Variants in BZW1 observed in about 807,000 individuals in gnomAD.
BZW1 encodes the protein basic leucine zipper and W2 domains 1.
In BZW1, 3 loss-of-function variants were observed where a neutral mutation model predicts 54.1. That is an observed-to-expected ratio of 0.06 (90% CI 0.03 to 0.14). The LOEUF (loss-of-function observed/expected upper bound fraction) is 0.14. Among genes scored for constraint, BZW1 ranks in the 10% least tolerant of loss-of-function variants. BZW1 has a pLI of 1.00. For synonymous variants in BZW1, 152 were observed against 162.7 expected (o/e 0.93, Z 0.50); for missense variants, 206 against 491.7 (o/e 0.42, Z 5.50).
chr2:200,814,798 A>T (rs1426139003), intron 2 of BZW1, among the ~76,000 whole-genome samples: 2 of 152,218 alleles, frequency 1.3e-5, no homozygotes, highest in African/African-American at 4.8e-5. Context: ...TCTGACTCTC[A>T]GTTTTCCTTC....
At chr2:200,812,190 G>T (rs1162079599) in intron 1 of BZW1, 200 bp downstream of exon 1, 2 of 1,210,726 alleles carry the variant, frequency 1.7e-6, no homozygotes, top group South Asian at 4.2e-5. Context: ...CGGCCCGGGT[G>T]GGGAGGTGGG....
In BZW1 at chr2:200,824,735, G is replaced by A. The variant is rs1226387321; in HGVS notation, c.*2557G>A. The A allele has an allele frequency of 6.8e-5, 10 of 147,986 alleles. No homozygotes were observed. The highest frequency in any genetic ancestry group is 1.3e-4 in the Non-Finnish European group (9 of 67,346). 9.2% of individuals were successfully genotyped at this position (147,986 alleles called of 1,614,324 possible). ...TCACCAGGCTGGAGTGCAGTGGCGCGATCTTGGCTCACTGCAAGTTCCGCC... is the reference window on the plus strand; with the variant it reads ...TCACCAGGCTGGAGTGCAGTGGCGCAATCTTGGCTCACTGCAAGTTCCGCC... On this transcript the variant is annotated 3_prime_UTR_variant, in exon 12 of 12. Transcript: ENST00000409600.
chr2:200,813,175 A>G, intron 1 of BZW1, 33 bp from the exon 2 acceptor site: 1 of 1,560,638 alleles, frequency 6.4e-7, no homozygotes, highest in Non-Finnish European at 8.8e-7. Context: ...GTATTATGGC[A>G]CTGATATTAA....
At chr2:200,813,050 G>A (rs2038148732) in intron 1 of BZW1, 158 bp from the exon 2 acceptor site, 3 of 697,298 alleles carry the variant, frequency 4.3e-6, no homozygotes, top group East Asian at 5.5e-5. Flanking sequence ...TTCAAGTGCA[G>A]GTAATTCTTT....
chr2:200,813,513 T>G (rs1283788565), intron 2 of BZW1: 4 of 359,386 alleles, frequency 1.1e-5, no homozygotes, highest in Non-Finnish European at 2.0e-5. Context: ...GTGAATCTTC[T>G]TTTCGGTGTG....
rs751093957 is a variant in BZW1, at chr2:200,814,905, C to CT, written c.65-433dup. Among the ~76,000 whole-genome samples the CT allele has an allele frequency of 1.6e-3, 238 of 152,330 alleles. 1 individual carries two copies. The highest frequency in any genetic ancestry group is 3.4e-3 in the Middle Eastern group (1 of 294). ...TGTCATTGGGTGCTCATTAAATGTA[C>CT]TTTCTAAAGCTCACCTTCATAAATG... On this transcript the variant is annotated intron_variant, in intron 2 of 11. Coordinates refer to ENST00000409600, the MANE Select transcript of BZW1 (RefSeq NM_001207067.2).
intron 1 of BZW1, chr2:200,812,744 G>A: frequency 9.6e-6 from 7 of 728,910 alleles, no homozygotes. Context: ...GGGTAGGATG[G>A]TGCTGCCCGT....
At chr2:200,817,619 C>T (rs1344793416) in intron 6 of BZW1, among the ~76,000 whole-genome samples, 1 of 148,418 alleles carries the variant, frequency 6.7e-6, no homozygotes, top group Admixed American at 6.8e-5. Flanking sequence ...TCGGATTATT[C>T]TCTACAGTAA....
chr2:200,816,740 G>A (rs1420633504), intron 5 of BZW1, among the ~76,000 whole-genome samples: 7 of 152,076 alleles, frequency 4.6e-5, no homozygotes, highest in Non-Finnish European at 4.4e-5. Flanking sequence ...ATCTGCCCTC[G>A]GCCTCCCAAA....
chr2:200,815,423 A>G lies in BZW1; in HGVS notation c.147A>G (p.Ala49=), dbSNP rs1460365745. 1.2e-6 allele frequency: 2 copies of G among 1,613,930 alleles called. No homozygotes were observed. The highest frequency in any genetic ancestry group is 1.7e-5 in the Admixed American group (1 of 60,004). The part of the protein sequence containing the change: ...GLTETGTDLE[A]VAKFLDASGA... ...CTGAAACCGGTACTGATTTGGAAGC[A>G]GTAGCTAAGTTTCTTGATGCTTCTG... The change falls in exon 3 of 12, where the codon GCA becomes GCG. Residue 49 remains alanine (A), a synonymous_variant. Coordinates refer to ENST00000409600, the MANE Select transcript of BZW1 (RefSeq NM_001207067.2).
Position 200,818,203 on chromosome 2 carries a change from CA to C in BZW1, c.649-19del. The C allele has an allele frequency of 6.5e-7, 1 of 1,541,600 alleles. No individual in the cohort carries two copies. The highest frequency in any genetic ancestry group is 8.7e-7 in the Non-Finnish European group (1 of 1,145,044). On this transcript the variant is annotated intron_variant, in intron 7 of 11. Coordinates refer to ENST00000409600, the MANE Select transcript of BZW1 (RefSeq NM_001207067.2). ...TAATCTGATTTAAAGAAAGTTTAAC[CA>C]GATAAATTCTTCTTTTAGGAACTCT...
intron 8 of BZW1, 87 bp from the exon 9 acceptor site, chr2:200,818,664 TGTTA>T (rs1340006855): frequency 4.0e-5 from 56 of 1,386,606 alleles, no homozygotes; most frequent in East Asian, 7.0e-5. Flanking sequence ...GAAAAGGAGT[TGTTA>T]GTTTTTGTTA....
chr2:200,812,246 G>A (rs943873544), intron 1 of BZW1: 2 of 1,229,632 alleles, frequency 1.6e-6, no homozygotes, highest in South Asian at 4.1e-5. Flanking sequence ...AGTGGCCGAG[G>A]CGGGCTCCCT....
chr2:200,813,784 T>C (rs976869712), intron 2 of BZW1, among the ~76,000 whole-genome samples: 28 of 152,300 alleles, frequency 1.8e-4, no homozygotes, highest in African/African-American at 6.7e-4. Flanking sequence ...ACTATTTTTT[T>C]TTTGCATTAG....
chr2:200,819,497 G>A (rs1477072762), intron 9 of BZW1, among the ~76,000 whole-genome samples: 4 of 151,738 alleles, frequency 2.6e-5, no homozygotes, highest in African/African-American at 9.7e-5. Flanking sequence ...TACTAATATT[G>A]TTTGACATTT....
In BZW1 at chr2:200,823,034, T is replaced by TA. The variant is rs1227310509; in HGVS notation, c.*857dup. On this transcript the variant is annotated 3_prime_UTR_variant, in exon 12 of 12. Coordinates refer to ENST00000409600, the MANE Select transcript of BZW1 (RefSeq NM_001207067.2). ...AGGTATTTTATGCACAGAATACACTTAGATTGATAGGAAAGAACTCGTAAT... is the reference window on the plus strand; with the variant it reads ...AGGTATTTTATGCACAGAATACACTTAAGATTGATAGGAAAGAACTCGTAAT... 8 of 165,302 alleles carry TA rather than the reference T, an allele frequency of 4.8e-5. No homozygotes were observed. Among genetic ancestry groups the TA allele is most frequent in the Non-Finnish European group, 1.0e-4 (7 of 67,776 alleles). The allele number at this position is 165,302 out of a possible 1,614,324, so 10.2% of individuals were successfully genotyped here.
chr2:200,821,165 A>C lies in BZW1; in HGVS notation c.1106-18A>C. The C allele has an allele frequency of 6.2e-7, 1 of 1,611,050 alleles. No homozygotes were observed. The highest frequency in any genetic ancestry group is 1.1e-5 in the South Asian group (1 of 90,878). On this transcript the variant is annotated intron_variant, in intron 10 of 11. Transcript: ENST00000409600. ...GAGTATATTAAAACTCCCTTAATGC[A>C]ATGAGTTTTCTTTCCAGCTGAAGTC...
At chr2:200,812,352 A>G in intron 1 of BZW1, 1 of 1,276,606 alleles carries the variant, frequency 7.8e-7, no homozygotes, top group Non-Finnish European at 9.9e-7. Flanking sequence ...AGGGGCTGCC[A>G]CCCACCACCG....
intron 10 of BZW1, 45 bp from the exon 11 acceptor site, chr2:200,821,138 T>A (rs2038492890): frequency 6.2e-7 from 1 of 1,604,088 alleles, no homozygotes; most frequent in South Asian, 1.1e-5. Context: ...TAACGCTGAG[T>A]AGAGTATATT....
Sources: allele counts gnomAD v4.1 joint callset (sites outside exome capture counted in the v4.1 genomes callset), GRCh38; gene constraint gnomAD v4.1.1; transcripts MANE v1.5; gene names NCBI Gene and HGNC (gene_info 2026-07-23, HGNC 2026-07-21).